The following SPTLC1 variants were observed in gnomAD, a reference collection of about 807,000 sequenced individuals.
The protein encoded by SPTLC1 is serine palmitoyltransferase long chain base subunit 1.
SPTLC1 carries 55 observed loss-of-function variants against 68.9 expected under a neutral mutation model. That is an observed-to-expected ratio of 0.80 (90% confidence interval 0.64 to 1.00). The LOEUF (loss-of-function observed/expected upper bound fraction) is 1.00, where lower values mean the gene tolerates loss of function less well. Ranked by LOEUF, SPTLC1 falls within the 50% of genes least tolerant of loss-of-function variation. The pLI, the probability that SPTLC1 is intolerant of heterozygous loss-of-function variation, is 0.00. For synonymous variants in SPTLC1, 197 were observed against 201.6 expected, an observed-to-expected ratio of 0.98 and a Z score of 0.19; for missense variants, 449 against 573.1, an observed-to-expected ratio of 0.78 and a Z score of 2.21.
At chr9:92,083,786 T>C (rs1834996425) in intron 3 of SPTLC1, among the ~76,000 whole-genome samples, 1 of 152,154 alleles carries the variant, frequency 6.6e-6, no homozygotes, top group African/African-American at 2.4e-5. Context: ...AGAAAGTCAT[T>C]GGTAGCTTGA....
chr9:92,083,628 G>A (rs1834988718), intron 3 of SPTLC1, among the ~76,000 whole-genome samples: 1 of 152,154 alleles, frequency 6.6e-6, no homozygotes, highest in Non-Finnish European at 1.5e-5. Flanking sequence ...GTACCATGCT[G>A]TTTTGGTTAC....
At chr9:92,097,515 A>G (rs950628758) in intron 3 of SPTLC1, among the ~76,000 whole-genome samples, 6 of 152,246 alleles carry the variant, frequency 3.9e-5, no homozygotes, top group African/African-American at 1.2e-4. Flanking sequence ...AAGTACGGAT[A>G]CATGCTACAA....
In SPTLC1 at chr9:92,115,136, C is replaced by T. The variant is rs964418076; in HGVS notation, c.57+178G>A. On this transcript the variant is annotated intron_variant, in intron 1 of 14. Transcript: ENST00000262554. Reference sequence around the variant, plus strand: ...GTCCCAGCCCCCGCCCCCGCCCGTTCCTCCCTACACTCAACCGCTGGGACT... The same window carrying T: ...GTCCCAGCCCCCGCCCCCGCCCGTTTCTCCCTACACTCAACCGCTGGGACT... The T allele has an allele frequency of 2.1e-5, 12 of 571,620 alleles. No individual in the cohort carries two copies. In the East Asian group the frequency reaches 2.9e-4, roughly 14 times the overall value. 35.4% of individuals were successfully genotyped at this position (571,620 alleles called of 1,614,324 possible).
chr9:92,070,492 AG>A lies in SPTLC1; in HGVS notation c.428-2395del, dbSNP rs1262128388. ...ACGGCAGAGAAGTGACCATAGAGGGAGGTGTCCTAGAATGCCTCCGCACACC... is the reference window on the plus strand; with the variant it reads ...ACGGCAGAGAAGTGACCATAGAGGGAGTGTCCTAGAATGCCTCCGCACACC... On this transcript the variant is annotated intron_variant, in intron 5 of 14. Transcript: ENST00000262554. 2.0e-5 allele frequency among the ~76,000 whole-genome samples: 3 copies of A among 152,336 alleles called. No homozygotes were observed. In the East Asian group the frequency reaches 5.8e-4, roughly 29 times the overall value.
At chr9:92,072,094 T>C (rs907832722) in intron 5 of SPTLC1, among the ~76,000 whole-genome samples, 1 of 152,182 alleles carries the variant, frequency 6.6e-6, no homozygotes, top group Admixed American at 6.5e-5. Context: ...ACACTTAGCC[T>C]GTTCAGGTTG....
At chr9:92,102,034 G>A (rs1224903769) in intron 3 of SPTLC1, among the ~76,000 whole-genome samples, 1 of 152,042 alleles carries the variant, frequency 6.6e-6, no homozygotes, top group Non-Finnish European at 1.5e-5. Context: ...TCTAAAATTA[G>A]CAAGAAAGAA....
intron 9 of SPTLC1, among the ~76,000 whole-genome samples, chr9:92,047,975 A>G (rs529114281): frequency 1.4e-3 from 206 of 152,360 alleles, no homozygotes; most frequent in African/African-American, 4.7e-3. Context: ...AGACAAATAA[A>G]TTATAAGAAA....
chr9:92,086,025 T>C (rs1406043060), intron 3 of SPTLC1, among the ~76,000 whole-genome samples: 41 of 151,978 alleles, frequency 2.7e-4, no homozygotes, highest in Non-Finnish European at 4.9e-4. Context: ...TTGGTCTTTG[T>C]TGGTTTAAAG....
chr9:92,090,974 T>C (rs1470019205), intron 3 of SPTLC1, among the ~76,000 whole-genome samples: 1 of 152,202 alleles, frequency 6.6e-6, no homozygotes, highest in Non-Finnish European at 1.5e-5. Flanking sequence ...CTAGCTACCT[T>C]GCTCCCCACT....
chr9:92,106,693 C>A (rs1036953195), intron 3 of SPTLC1, among the ~76,000 whole-genome samples: 1 of 152,064 alleles, frequency 6.6e-6, no homozygotes, highest in Non-Finnish European at 1.5e-5. Context: ...AATTTGATAT[C>A]CATAATTCCT....
chr9:92,053,590 G>C (rs1251629175), intron 8 of SPTLC1, among the ~76,000 whole-genome samples: 2 of 152,054 alleles, frequency 1.3e-5, no homozygotes, highest in Admixed American at 1.3e-4. Context: ...GCATTAAAAA[G>C]GTATGAAATA....
At chr9:92,037,962 G>A (rs1364588584) in intron 13 of SPTLC1, among the ~76,000 whole-genome samples, 2 of 152,138 alleles carry the variant, frequency 1.3e-5, no homozygotes, top group Non-Finnish European at 1.5e-5. Flanking sequence ...TTTTTCAGAG[G>A]AGAGGCCAAG....
At chr9:92,114,735 CAA>C (rs200895703) in intron 1 of SPTLC1, among the ~76,000 whole-genome samples, 1 of 110,424 alleles carries the variant, frequency 9.1e-6, no homozygotes, top group Non-Finnish European at 1.9e-5. Flanking sequence ...AACACCGTCT[CAA>C]AAAAAAAAAA....
intron 3 of SPTLC1, among the ~76,000 whole-genome samples, chr9:92,103,591 G>A (rs9696251): frequency 0.11 from 16,406 of 152,212 alleles, 1,912 homozygotes; most frequent in African/African-American, 0.3. Flanking sequence ...TGCCTGCCAG[G>A]GAGGCATGTG....
At chr9:92,065,364 A>T (rs540467274) in intron 6 of SPTLC1, among the ~76,000 whole-genome samples, 125 of 152,286 alleles carry the variant, frequency 8.2e-4, no homozygotes, top group African/African-American at 2.6e-3. Context: ...ACCAAACACC[A>T]TGTTTACCTC....
intron 12 of SPTLC1, among the ~76,000 whole-genome samples, chr9:92,039,038 T>C (rs901682713): frequency 6.6e-6 from 1 of 152,104 alleles, no homozygotes; most frequent in Non-Finnish European, 1.5e-5. Flanking sequence ...TCCCAGCTAG[T>C]TGGGAAGCTC....
intron 5 of SPTLC1, among the ~76,000 whole-genome samples, chr9:92,073,759 T>G (rs1046309514): frequency 2.0e-5 from 3 of 152,246 alleles, no homozygotes; most frequent in South Asian, 2.1e-4. Flanking sequence ...GGGAAGAGGC[T>G]GCCAGGCGGC....
At chr9:92,058,752 T>A (rs557883532) in intron 7 of SPTLC1, among the ~76,000 whole-genome samples, 3 of 152,210 alleles carry the variant, frequency 2.0e-5, no homozygotes, top group Admixed American at 6.5e-5. Context: ...TATATTAATA[T>A]AATAAGCTTG....
intron 14 of SPTLC1, among the ~76,000 whole-genome samples, chr9:92,033,496 C>A (rs949155437): frequency 6.6e-6 from 1 of 152,210 alleles, no homozygotes; most frequent in Non-Finnish European, 1.5e-5. Flanking sequence ...ACAAAACCAG[C>A]ACGGCTCCCG....
Sources: allele counts gnomAD v4.1 joint callset (sites outside exome capture counted in the v4.1 genomes callset), GRCh38; gene constraint gnomAD v4.1.1; transcripts MANE v1.5; gene names NCBI Gene and HGNC (gene_info 2026-07-23, HGNC 2026-07-21).